BRINP3: variants seen among roughly 807,000 people sequenced by gnomAD.
BRINP3 encodes the protein BMP/retinoic acid-inducible neural-specific protein 3.
BRINP3 carries 19 observed loss-of-function variants against 71.0 expected under a neutral mutation model. The ratio of observed to expected loss-of-function variants is 0.27; its 90% CI spans 0.19 to 0.39. The LOEUF is 0.39. Among genes scored for constraint, BRINP3 ranks in the 10% least tolerant of loss-of-function variants. The pLI is 1.00. For synonymous variants in BRINP3, 380 were observed against 337.7 expected, an observed-to-expected ratio of 1.13 and a Z score of -1.37; for missense variants, 959 against 940.8, an observed-to-expected ratio of 1.02 and a Z score of -0.25.
intron 3 of BRINP3, among the ~76,000 whole-genome samples, chr1:190,269,763 T>G (rs565815415): frequency 6.6e-6 from 1 of 152,146 alleles, no homozygotes; most frequent in African/African-American, 2.4e-5. Flanking sequence ...GCAAATCTAT[T>G]GGAAAAGTAG....
intron 2 of BRINP3, among the ~76,000 whole-genome samples, chr1:190,355,131 T>G (rs1307961973): frequency 2.2e-4 from 34 of 151,928 alleles, no homozygotes; most frequent in Admixed American, 2.2e-3. Context: ...AGAAACAATA[T>G]ATACTTAATA....
At chr1:190,271,372 G>A (rs1198564631) in intron 3 of BRINP3, among the ~76,000 whole-genome samples, 1 of 151,568 alleles carries the variant, frequency 6.6e-6, no homozygotes, top group Non-Finnish European at 1.5e-5. Context: ...CATTAGCATA[G>A]TAATTATTTT....
At chr1:190,181,647 T>C (rs566992503) in intron 6 of BRINP3, among the ~76,000 whole-genome samples, 4 of 152,142 alleles carry the variant, frequency 2.6e-5, no homozygotes, top group Admixed American at 6.6e-5. Flanking sequence ...GAATAAATTG[T>C]AGAAAACTTA....
At chr1:190,224,352 C>G (rs911132432) in intron 6 of BRINP3, among the ~76,000 whole-genome samples, 7 of 151,538 alleles carry the variant, frequency 4.6e-5, no homozygotes, top group African/African-American at 1.5e-4. Context: ...ACAGCCAACT[C>G]AACTTTGACA....
intron 6 of BRINP3, among the ~76,000 whole-genome samples, chr1:190,221,028 G>A (rs981850136): frequency 1.3e-5 from 2 of 152,076 alleles, no homozygotes; most frequent in Admixed American, 1.3e-4. Context: ...GACCAGCCTG[G>A]CCAACATGGT....
At chr1:190,148,665 T>G (rs1656124527) in intron 7 of BRINP3, among the ~76,000 whole-genome samples, 1 of 151,568 alleles carries the variant, frequency 6.6e-6, no homozygotes, top group South Asian at 2.1e-4. Flanking sequence ...TATCTCCTCA[T>G]TCTTTATTTA....
chr1:190,457,684 T>A (rs1012304756), intron 1 of BRINP3, among the ~76,000 whole-genome samples: 8 of 152,206 alleles, frequency 5.3e-5, no homozygotes, highest in Non-Finnish European at 7.3e-5. Flanking sequence ...TTTATACTGG[T>A]ATGAAGCCAT....
At chr1:190,265,582 C>T (rs1360754332) in intron 3 of BRINP3, among the ~76,000 whole-genome samples, 6 of 147,732 alleles carry the variant, frequency 4.1e-5, no homozygotes, top group Non-Finnish European at 8.9e-5. Flanking sequence ...GGCGTGGTGG[C>T]GGGCGCCAGT....
At position 190,097,950 on chromosome 1, in the gene BRINP3, C is replaced by A; in HGVS notation, c.*68G>T. On this transcript the variant is annotated 3_prime_UTR_variant, in exon 8 of 8. Coordinates refer to ENST00000367462, the MANE Select transcript of BRINP3 (RefSeq NM_199051.3). The stretch of plus-strand genomic sequence containing the variant: ...GACAATTTAAATTTACTCTTCCAAA[C>A]ATAAACTGTTCCACAAAAGCACTGT... The A allele has an allele frequency of 6.8e-7, 1 of 1,467,416 alleles. No individual in the cohort carries two copies. Among genetic ancestry groups the A allele is most frequent in the Admixed American group, 2.2e-5 (1 of 45,224 alleles). 90.9% of individuals were successfully genotyped at this position (1,467,416 alleles called of 1,614,324 possible). A position where few individuals can be genotyped will look rare whatever the true frequency, so the allele number is the denominator to read the frequency against.
intron 3 of BRINP3, among the ~76,000 whole-genome samples, chr1:190,267,903 A>G (rs1292280582): frequency 6.6e-6 from 1 of 152,116 alleles, no homozygotes; most frequent in Non-Finnish European, 1.5e-5. Flanking sequence ...AAAAATTGAT[A>G]ATACTGAAAA....
At chr1:190,346,679 C>T (rs912615214) in intron 2 of BRINP3, among the ~76,000 whole-genome samples, 6 of 151,926 alleles carry the variant, frequency 3.9e-5, no homozygotes, top group Admixed American at 6.6e-5. Context: ...TATTTTTCAC[C>T]CTTCTTTTGC....
At chr1:190,387,403 G>A (rs1571922728) in intron 2 of BRINP3, among the ~76,000 whole-genome samples, 1 of 151,906 alleles carries the variant, frequency 6.6e-6, no homozygotes, top group South Asian at 2.1e-4. Context: ...CATTAATAGA[G>A]TTATAGTGTG....
At chr1:190,460,803 G>A (rs905943799) in intron 1 of BRINP3, among the ~76,000 whole-genome samples, 2 of 152,106 alleles carry the variant, frequency 1.3e-5, no homozygotes, top group South Asian at 2.1e-4. Context: ...AAATTTTTAA[G>A]CCTAAACATG....
intron 2 of BRINP3, among the ~76,000 whole-genome samples, chr1:190,323,385 T>C (rs1307965083): frequency 6.6e-6 from 1 of 151,950 alleles, no homozygotes; most frequent in Non-Finnish European, 1.5e-5. Context: ...ATAGTTGTCA[T>C]ATTTAGTGGT....
chr1:190,431,651 CT>C (rs1674107570), intron 2 of BRINP3, among the ~76,000 whole-genome samples: 1 of 152,038 alleles, frequency 6.6e-6, no homozygotes, highest in Non-Finnish European at 1.5e-5. Context: ...GCCTGGCCTT[CT>C]TTATTTTAAA....
chr1:190,318,809 C>A lies in BRINP3; in HGVS notation c.237-37059G>T, dbSNP rs1666049814. On this transcript the variant is annotated intron_variant, in intron 2 of 7. Coordinates refer to ENST00000367462, the MANE Select transcript of BRINP3 (RefSeq NM_199051.3). Reference sequence around the variant, plus strand: ...TTCACTTATTTTGTAAAATAAACAGCTTTAATTACTTTATCTTCTTAAATG... The same window carrying A: ...TTCACTTATTTTGTAAAATAAACAGATTTAATTACTTTATCTTCTTAAATG... 2.0e-5 allele frequency among the ~76,000 whole-genome samples: 3 copies of A among 151,880 alleles called. No individual in the cohort carries two copies. The South Asian group carries it at 6.2e-4, about 32-fold the overall frequency.
rs190931058 is a variant in BRINP3 at position 190,263,003 on chromosome 1, G to A, written c.618+1862C>T. Reference sequence around the variant, plus strand: ...TACCCATTATGTTTTGATGTGAAATGTGCCTGTATATTTCTTACTTAGAGT... The same window carrying A: ...TACCCATTATGTTTTGATGTGAAATATGCCTGTATATTTCTTACTTAGAGT... On this transcript the variant is annotated intron_variant, in intron 4 of 7. Transcript: ENST00000367462. Among the ~76,000 whole-genome samples the A allele has an allele frequency of 2.0e-3, 304 of 152,118 alleles. 1 individual carries two copies. The highest frequency in any genetic ancestry group is 6.1e-3 in the African/African-American group (255 of 41,494).
chr1:190,457,732 C>T (rs1424701613), intron 1 of BRINP3, among the ~76,000 whole-genome samples: 1 of 152,040 alleles, frequency 6.6e-6, no homozygotes, highest in African/African-American at 2.4e-5. Flanking sequence ...ATGTTTTGTA[C>T]TCACACATGT....
intron 6 of BRINP3, among the ~76,000 whole-genome samples, chr1:190,206,779 G>A (rs944138597): frequency 5.9e-5 from 9 of 151,972 alleles, no homozygotes; most frequent in African/African-American, 2.2e-4. Flanking sequence ...GTGAAATAAA[G>A]AGTCATCTTT....
Sources: gnomAD v4.1 joint callset for allele counts (sites outside exome capture counted in the v4.1 genomes callset) on GRCh38, gnomAD v4.1.1 for gene constraint, MANE v1.5 for transcripts, NCBI Gene and HGNC (gene_info 2026-07-23, HGNC 2026-07-21) for gene names.